The following PHF21B variants were observed in gnomAD, a reference collection of about 807,000 sequenced individuals.
The protein encoded by PHF21B is PHD finger protein 21B, also known as PHD finger protein 4.
In PHF21B, 22 loss-of-function variants were observed where a neutral mutation model predicts 62.2. The observed-to-expected ratio is 0.35, with a 90% CI of 0.25 to 0.51. The LOEUF (loss-of-function observed/expected upper bound fraction) is 0.51. Ranked by LOEUF, PHF21B falls within the 20% of genes least tolerant of loss-of-function variation. The pLI is 0.97. For synonymous variants in PHF21B, 341 were observed against 314.7 expected (o/e 1.08, Z -0.88); for missense variants, 701 against 707.9 (o/e 0.99, Z 0.11).
intron 2 of PHF21B, among the ~76,000 whole-genome samples, chr22:44,936,427 C>T (rs929712446): frequency 7.9e-5 from 12 of 152,294 alleles, no homozygotes; most frequent in South Asian, 2.1e-4. Context: ...GCAGCCCTGT[C>T]GCCTCCTGTC....
At chr22:44,915,168 G>C (rs1290111179) in intron 4 of PHF21B, among the ~76,000 whole-genome samples, 1 of 152,098 alleles carries the variant, frequency 6.6e-6, no homozygotes, top group East Asian at 1.9e-4. Flanking sequence ...CAAAATCTCT[G>C]TATGGAAGAA....
intron 2 of PHF21B, among the ~76,000 whole-genome samples, chr22:44,928,799 A>G (rs1312631973): frequency 6.6e-6 from 1 of 152,152 alleles, no homozygotes; most frequent in African/African-American, 2.4e-5. Context: ...CGTGTTTCCC[A>G]TGGAGACCCT....
At chr22:44,895,726 C>T (rs1385067612) in intron 6 of PHF21B, among the ~76,000 whole-genome samples, 2 of 152,198 alleles carry the variant, frequency 1.3e-5, no homozygotes, top group African/African-American at 4.8e-5. Context: ...AAGGAAGTGC[C>T]ACAGTGGGTA....
chr22:44,993,885 T>A (rs2073079163), intron 2 of PHF21B, among the ~76,000 whole-genome samples: 2 of 152,258 alleles, frequency 1.3e-5, no homozygotes, highest in African/African-American at 4.8e-5. Context: ...CTTCTGCCTG[T>A]GAAGAGCCAC....
intron 2 of PHF21B, among the ~76,000 whole-genome samples, chr22:44,971,722 C>T (rs1479142272): frequency 1.3e-5 from 2 of 152,220 alleles, no homozygotes; most frequent in Non-Finnish European, 1.5e-5. Context: ...AGGGAGCCCT[C>T]GTGGGTGTGC....
At position 44,933,387 on chromosome 22, in the gene PHF21B, A is replaced by G; in HGVS notation, c.121-12897T>C. Reference sequence around the variant, plus strand: ...CGGCCTCCGAAAGTGATGGGATTACAGGCGTGAGCCACTGCGCTCGGCCTC... The same window carrying G: ...CGGCCTCCGAAAGTGATGGGATTACGGGCGTGAGCCACTGCGCTCGGCCTC... On this transcript the variant is annotated intron_variant, in intron 2 of 12. Coordinates refer to ENST00000313237, the MANE Select transcript of PHF21B (RefSeq NM_138415.5). 7 of 892,592 alleles carry G rather than the reference A, an allele frequency of 7.8e-6. 1 individual carries two copies. The highest frequency in any genetic ancestry group is 9.4e-6 in the Non-Finnish European group (7 of 745,414). The allele number at this position is 892,592 out of a possible 1,614,324, so 55.3% of individuals were successfully genotyped here.
At chr22:44,895,278 G>C (rs1359752539) in intron 6 of PHF21B, among the ~76,000 whole-genome samples, 1 of 152,084 alleles carries the variant, frequency 6.6e-6, no homozygotes, top group African/African-American at 2.4e-5. Context: ...TGGTTTCGAG[G>C]CTTCCCAGGC....
intron 2 of PHF21B, among the ~76,000 whole-genome samples, chr22:44,994,699 T>C (rs1443399453): frequency 6.6e-6 from 1 of 152,176 alleles, no homozygotes; most frequent in Non-Finnish European, 1.5e-5. Context: ...CTGGGCAGCC[T>C]GGCCCAGTGC....
chr22:44,911,861 G>A (rs573263787), intron 5 of PHF21B, among the ~76,000 whole-genome samples: 7 of 151,326 alleles, frequency 4.6e-5, no homozygotes, highest in Non-Finnish European at 7.4e-5. Context: ...CCAACAGCTC[G>A]TACTGTGCAC....
At chr22:44,890,344 C>T (rs2070941257) in intron 8 of PHF21B, among the ~76,000 whole-genome samples, 2 of 152,212 alleles carry the variant, frequency 1.3e-5, no homozygotes, top group East Asian at 1.9e-4. Context: ...TGATACCAAA[C>T]CACACATTTT....
chr22:44,982,874 C>T (rs1030159095), intron 2 of PHF21B, among the ~76,000 whole-genome samples: 2 of 143,006 alleles, frequency 1.4e-5, no homozygotes. Context: ...AGGAAGACGT[C>T]TGAACTGTGA....
intron 9 of PHF21B, 138 bp from the exon 10 acceptor site, chr22:44,888,259 G>A (rs574162518): frequency 6.1e-5 from 64 of 1,046,720 alleles, no homozygotes; most frequent in South Asian, 4.1e-4. Flanking sequence ...GCAGCTCTAC[G>A]GAGAGAGAGG....
rs574539134 is a variant in PHF21B, at chr22:44,971,769, C to A, written c.120+36776G>T. Among the ~76,000 whole-genome samples, 11 of 152,348 alleles carry A rather than the reference C, an allele frequency of 7.2e-5. 1 individual carries two copies. The highest frequency in any genetic ancestry group is 4.1e-4 in the South Asian group (2 of 4,830). The stretch of plus-strand genomic sequence containing the variant: ...AATCTCTCCTCTGGGTCACTGCATG[C>A]CCTGACATGGCTTTGCACTGACCCC... On this transcript the variant is annotated intron_variant, in intron 2 of 12. Transcript: ENST00000313237.
In PHF21B at chr22:44,888,007, T is replaced by C. The variant is rs1288869686; in HGVS notation, c.1153A>G (p.Thr385Ala). 2 of 1,572,818 alleles carry C rather than the reference T, an allele frequency of 1.3e-6. No individual in the cohort carries two copies. Among genetic ancestry groups the C allele is most frequent in the East Asian group, 2.3e-5 (1 of 43,410 alleles). ...CACACCCACACGCCCTTGGGCGCCG[T>C]CTTGAGGGGCGGCTCCAGGCAGCTG... ...HLSCLEPPLK[T>A]APKGVWVCPR... is the part of the protein sequence containing the mutation. Residue 385 changes from threonine to alanine, a missense_variant, in exon 10 of 13, where the codon ACG becomes GCG. Thr to Ala is a moderately conservative substitution (Grantham distance 58). Transcript: ENST00000313237.
chr22:44,889,023 C>G (rs1397566379), intron 9 of PHF21B, among the ~76,000 whole-genome samples: 1 of 152,216 alleles, frequency 6.6e-6, no homozygotes, highest in Non-Finnish European at 1.5e-5. Flanking sequence ...ACTGCCAGGC[C>G]CCCCAGCACC....
intron 4 of PHF21B, among the ~76,000 whole-genome samples, chr22:44,914,323 G>C (rs2071398515): frequency 6.6e-6 from 1 of 152,204 alleles, no homozygotes; most frequent in East Asian, 1.9e-4. Flanking sequence ...GCCTGGTTTA[G>C]GAACTGGGAA....
At chr22:44,902,140 C>A in intron 5 of PHF21B, 2 of 213,586 alleles carry the variant, frequency 9.4e-6, no homozygotes, top group South Asian at 1.4e-4. Flanking sequence ...AGAAATTTGC[C>A]ATTGCCACCT....
chr22:44,945,643 G>A (rs1375428556), intron 2 of PHF21B, among the ~76,000 whole-genome samples: 1 of 152,008 alleles, frequency 6.6e-6, no homozygotes, highest in Non-Finnish European at 1.5e-5. Flanking sequence ...TGGGGACAGG[G>A]AGTGATAGGG....
intron 2 of PHF21B, among the ~76,000 whole-genome samples, chr22:44,946,614 TATGGATGGATGGGTGG>T (rs899703740): frequency 4.6e-4 from 70 of 151,826 alleles, no homozygotes; most frequent in Middle Eastern, 3.4e-3. Context: ...ACAGTGGTTG[TATGGATGGATGGGTGG>T]ATGGATGGAT....
Sources: allele counts gnomAD v4.1 joint callset (sites outside exome capture counted in the v4.1 genomes callset), GRCh38; gene constraint gnomAD v4.1.1; transcripts MANE v1.5; gene names NCBI Gene and HGNC (gene_info 2026-07-23, HGNC 2026-07-21).